Variants in PLPPR5 observed in about 807,000 individuals in gnomAD.
PLPPR5 encodes the protein phospholipid phosphatase-related protein type 5.
Under a neutral mutation model 33.9 loss-of-function variants are expected in PLPPR5, and 16 were observed. The ratio of observed to expected loss-of-function variants is 0.47; its 90% CI spans 0.32 to 0.72. The LOEUF (loss-of-function observed/expected upper bound fraction) is 0.72, where lower values mean the gene tolerates loss of function less well. PLPPR5 is among the 30% of genes least tolerant of loss of function. The pLI is 0.03. For missense variants in PLPPR5, 301 were observed against 406.7 expected (o/e 0.74, Z 2.23); for synonymous variants, 163 against 150.3 (o/e 1.08, Z -0.62).
chr1:98,958,637 G>C (rs182074501), intron 1 of PLPPR5, among the ~76,000 whole-genome samples: 32 of 152,248 alleles, frequency 2.1e-4, no homozygotes, highest in Admixed American at 2.1e-3. Context: ...TTTTTCATGA[G>C]TATCTGGAGA....
intron 3 of PLPPR5, among the ~76,000 whole-genome samples, chr1:98,947,141 A>G (rs904694899): frequency 7.9e-5 from 12 of 152,194 alleles, no homozygotes; most frequent in Non-Finnish European, 7.3e-5. Flanking sequence ...TAATTCTGAC[A>G]TATTTTTCAA....
intron 3 of PLPPR5, among the ~76,000 whole-genome samples, chr1:98,943,482 G>A (rs975708685): frequency 1.3e-5 from 2 of 152,104 alleles, no homozygotes; most frequent in Non-Finnish European, 2.9e-5. Flanking sequence ...GTTAGAGTAG[G>A]GACATATGAG....
At chr1:98,911,819 G>C (rs78316210) in intron 5 of PLPPR5, among the ~76,000 whole-genome samples, 1 of 152,022 alleles carries the variant, frequency 6.6e-6, no homozygotes, top group East Asian at 1.9e-4. Context: ...GAGTACAGTG[G>C]TGTGATCATA....
At chr1:98,934,955 A>C (rs1650122572) in intron 3 of PLPPR5, among the ~76,000 whole-genome samples, 2 of 152,210 alleles carry the variant, frequency 1.3e-5, no homozygotes, top group South Asian at 4.1e-4. Flanking sequence ...GAATTAAAAA[A>C]AAATAAAGTG....
intron 2 of PLPPR5, 68 bp from the exon 3 acceptor site, chr1:98,953,388 TGTGTGTGA>T (rs1000332661): frequency 1.3e-6 from 2 of 1,541,452 alleles, no homozygotes; most frequent in Non-Finnish European, 1.7e-6. Context: ...TGTGTGTGTG[TGTGTGTGA>T]ATTTCAGTTT....
chr1:98,955,890 T>G (rs1397750942), intron 2 of PLPPR5, among the ~76,000 whole-genome samples: 1 of 152,126 alleles, frequency 6.6e-6, no homozygotes, highest in East Asian at 1.9e-4. Context: ...TTAAATTGTA[T>G]TGCGTCAGTT....
chr1:98,914,206 T>C (rs1025416020), intron 5 of PLPPR5, among the ~76,000 whole-genome samples: 2 of 152,220 alleles, frequency 1.3e-5, no homozygotes, highest in Non-Finnish European at 2.9e-5. Flanking sequence ...TACACAATGT[T>C]CCTTATTTAG....
intron 4 of PLPPR5, among the ~76,000 whole-genome samples, chr1:98,915,123 G>A (rs1330808164): frequency 6.6e-6 from 1 of 152,082 alleles, no homozygotes; most frequent in African/African-American, 2.4e-5. Flanking sequence ...CTCCAATGCA[G>A]ATATGTTTAA....
chr1:98,981,864 A>G (rs1011303729), intron 1 of PLPPR5, among the ~76,000 whole-genome samples: 2 of 152,086 alleles, frequency 1.3e-5, no homozygotes, highest in African/African-American at 4.8e-5. Context: ...ATCTATAAAC[A>G]ACAAAATCCT....
intron 5 of PLPPR5, among the ~76,000 whole-genome samples, chr1:98,901,909 G>C (rs921232263): frequency 2.0e-5 from 3 of 151,986 alleles, no homozygotes; most frequent in African/African-American, 7.2e-5. Context: ...ATAATGGTTA[G>C]AGAATTTATA....
intron 1 of PLPPR5, among the ~76,000 whole-genome samples, chr1:98,958,093 T>C (rs1480536025): frequency 6.6e-6 from 1 of 152,214 alleles, no homozygotes. Flanking sequence ...AGAAATAAGA[T>C]TAAAAGAAAC....
intron 5 of PLPPR5, among the ~76,000 whole-genome samples, chr1:98,899,655 C>CTTTTTTT (rs1214385487): frequency 2.2e-5 from 3 of 138,568 alleles, no homozygotes; most frequent in African/African-American, 5.4e-5. Context: ...GTTTATTTCA[C>CTTTTTTT]TTGTTTTTTT....
At chr1:98,914,350 A>T (rs1369145870) in intron 5 of PLPPR5, among the ~76,000 whole-genome samples, 1 of 152,158 alleles carries the variant, frequency 6.6e-6, no homozygotes, top group Non-Finnish European at 1.5e-5. Flanking sequence ...CAGTGGCATG[A>T]TCTTGGCTCA....
At chr1:99,001,949 A>G (rs1190862358) in intron 1 of PLPPR5, among the ~76,000 whole-genome samples, 1 of 152,026 alleles carries the variant, frequency 6.6e-6, no homozygotes, top group Admixed American at 6.6e-5. Context: ...TATTGCTTTC[A>G]GAGATAATGC....
chr1:98,948,629 T>TA (rs1255256034), intron 3 of PLPPR5, among the ~76,000 whole-genome samples: 1 of 152,140 alleles, frequency 6.6e-6, no homozygotes, highest in Non-Finnish European at 1.5e-5. Context: ...AGTCTTAAGA[T>TA]ACCCTGCAGC....
chr1:98,931,390 T>C (rs1649959208), intron 3 of PLPPR5, among the ~76,000 whole-genome samples: 1 of 152,140 alleles, frequency 6.6e-6, no homozygotes, highest in African/African-American at 2.4e-5. Context: ...TCCATGACAT[T>C]GGTACTCAAC....
intron 3 of PLPPR5, among the ~76,000 whole-genome samples, chr1:98,943,476 G>C: frequency 6.6e-6 from 1 of 152,190 alleles, no homozygotes; most frequent in East Asian, 1.9e-4. Context: ...TCCCCTGTTA[G>C]AGTAGGGACA....
chr1:98,904,287 A>G (rs1648811949), intron 5 of PLPPR5, among the ~76,000 whole-genome samples: 1 of 126,236 alleles, frequency 7.9e-6, no homozygotes, highest in Non-Finnish European at 1.6e-5. Context: ...TTTTGGCAAG[A>G]GAGAATTCCC....
chr1:98,962,362 T>G (rs941664831), intron 1 of PLPPR5, among the ~76,000 whole-genome samples: 1 of 152,188 alleles, frequency 6.6e-6, no homozygotes, highest in African/African-American at 2.4e-5. Flanking sequence ...AATTTTTAAG[T>G]ATACACTACA....
Sources: allele counts gnomAD v4.1 joint callset (sites outside exome capture counted in the v4.1 genomes callset), GRCh38; gene constraint gnomAD v4.1.1; transcripts MANE v1.5; gene names NCBI Gene and HGNC (gene_info 2026-07-23, HGNC 2026-07-21).